Variants in TMPRSS2 observed in about 807,000 individuals in gnomAD.
TMPRSS2 encodes transmembrane serine protease 2, also known as transmembrane protease serine 2.
Under a neutral mutation model 67.4 loss-of-function variants are expected in TMPRSS2, and 59 were observed. That is an observed-to-expected ratio of 0.88 (90% CI 0.71 to 1.09). The LOEUF (loss-of-function observed/expected upper bound fraction) is 1.09, where lower values mean the gene tolerates loss of function less well. TMPRSS2 is among the 50% of genes least tolerant of loss of function. TMPRSS2 has a pLI of 0.00. For synonymous variants in TMPRSS2, 257 were observed against 257.0 expected, an observed-to-expected ratio of 1.00 and a Z score of 0.00; for missense variants, 668 against 642.7, an observed-to-expected ratio of 1.04 and a Z score of -0.43.
intron 5 of TMPRSS2, among the ~76,000 whole-genome samples, chr21:41,484,550 C>T (rs576743032): frequency 6.6e-6 from 1 of 152,300 alleles, no homozygotes; most frequent in Middle Eastern, 3.4e-3. Context: ...ATTAAAAGTG[C>T]ACCCTATGCC....
chr21:41,482,922 T>G (rs149024920), intron 5 of TMPRSS2, among the ~76,000 whole-genome samples: 259 of 152,260 alleles, frequency 1.7e-3, no homozygotes, highest in African/African-American at 6.1e-3. Flanking sequence ...TCGGAGGCAC[T>G]AAGAAGATCA....
intron 1 of TMPRSS2, chr21:41,502,528 G>A (rs2091431283): frequency 1.9e-5 from 19 of 985,140 alleles, no homozygotes; most frequent in South Asian, 1.9e-4. Flanking sequence ...CACCATCCAC[G>A]GACACATCCC....
At chr21:41,507,861 A>T in intron 1 of TMPRSS2, 1 of 1,402,410 alleles carries the variant, frequency 7.1e-7, no homozygotes, top group Non-Finnish European at 9.4e-7. Context: ...GGCCGTGCGC[A>T]AGGGGTCCCA....
chr21:41,489,394 G>C (rs536589154), intron 4 of TMPRSS2, 113 bp downstream of exon 4: 29 of 744,456 alleles, frequency 3.9e-5, no homozygotes, highest in Non-Finnish European at 5.8e-5. Flanking sequence ...TTATGTAAGA[G>C]AGGAACCTCA....
At chr21:41,491,230 C>G (rs2091333722) in intron 3 of TMPRSS2, among the ~76,000 whole-genome samples, 1 of 146,390 alleles carries the variant, frequency 6.8e-6, no homozygotes, top group Non-Finnish European at 1.5e-5. Context: ...AATCATGGCT[C>G]ACTGCAGCCT....
At chr21:41,475,783 T>G in intron 8 of TMPRSS2, among the ~76,000 whole-genome samples, 1 of 151,358 alleles carries the variant, frequency 6.6e-6, no homozygotes. Context: ...CCCTGCTTCC[T>G]GTGTGTGAGT....
In TMPRSS2 at chr21:41,478,317, G is replaced by T. The variant is rs2091231681; in HGVS notation, c.683+855C>A. 6.6e-6 allele frequency among the ~76,000 whole-genome samples: 1 copy of T among 152,172 alleles called. No homozygotes were observed. Among genetic ancestry groups the T allele is most frequent in the Non-Finnish European group, 1.5e-5 (1 of 68,044 alleles). ...ACTCAGAGGAAAGGTGGCGCGGGGTGATTAGTTCATCCTCCCCCGAAATGC... is the reference window on the plus strand; with the variant it reads ...ACTCAGAGGAAAGGTGGCGCGGGGTTATTAGTTCATCCTCCCCCGAAATGC... On this transcript the variant is annotated intron_variant, in intron 7 of 13. Transcript: ENST00000332149. This position sits in a 1 kb window ranked among gnomAD's most constrained non-coding sequence, Gnocchi z 4.0.
chr21:41,470,293 C>T (rs1423057165), intron 11 of TMPRSS2, among the ~76,000 whole-genome samples: 1 of 152,178 alleles, frequency 6.6e-6, no homozygotes, highest in Non-Finnish European at 1.5e-5. Flanking sequence ...CCTCACCAAG[C>T]CCCCTGTCAC....
At chr21:41,475,816 T>C (rs1601570604) in intron 8 of TMPRSS2, among the ~76,000 whole-genome samples, 1 of 151,396 alleles carries the variant, frequency 6.6e-6, no homozygotes, top group East Asian at 1.9e-4. Context: ...AGGAGATGAG[T>C]GCATGGGCAG....
intron 5 of TMPRSS2, among the ~76,000 whole-genome samples, chr21:41,483,338 C>A (rs1286638417): frequency 6.6e-6 from 1 of 151,696 alleles, no homozygotes; most frequent in Non-Finnish European, 1.5e-5. Flanking sequence ...GGCTGGAGTG[C>A]AATGGCATGA....
Position 41,465,987 on chromosome 21 carries a change from C to A in TMPRSS2, c.*155G>T. On this transcript the variant is annotated 3_prime_UTR_variant, in exon 14 of 14. Transcript: ENST00000332149. ...GGCAGGGGAGCCACTGCAGCCTGCA[C>A]AGAATGGCAGAGAGTGCCAAAGCCA... The A allele has an allele frequency of 1.1e-6, 1 of 907,638 alleles. No individual in the cohort carries two copies. Among genetic ancestry groups the A allele is most frequent in the South Asian group, 1.6e-5 (1 of 61,414 alleles). The allele number at this position is 907,638 out of a possible 1,614,324, so 56.2% of individuals were successfully genotyped here.
At chr21:41,488,633 GTGTTT>G (rs528452128) in intron 4 of TMPRSS2, 120 bp from the exon 5 acceptor site, 47 of 1,184,692 alleles carry the variant, frequency 4.0e-5, no homozygotes, top group Non-Finnish European at 4.8e-5. Flanking sequence ...TGGCCCCACT[GTGTTT>G]TGTTTTGTTT....
intron 8 of TMPRSS2, among the ~76,000 whole-genome samples, chr21:41,473,798 G>C (rs1003785581): frequency 1.2e-4 from 18 of 150,270 alleles, no homozygotes; most frequent in African/African-American, 4.2e-4. Flanking sequence ...GTCTTGGAGG[G>C]ACTGACACCA....
chr21:41,492,384 G>C (rs2091344921), intron 3 of TMPRSS2, among the ~76,000 whole-genome samples: 1 of 152,194 alleles, frequency 6.6e-6, no homozygotes, highest in Non-Finnish European at 1.5e-5. Context: ...TTTAAGCTGT[G>C]TGTTCGCTCC....
rs776625963 is a variant in TMPRSS2 at position 41,488,445 on chromosome 21, A to T, written c.394T>A (p.Trp132Arg). 2 of 1,613,916 alleles carry T rather than the reference A, an allele frequency of 1.2e-6. No homozygotes were observed. Among genetic ancestry groups the T allele is most frequent in the East Asian group, 2.2e-5 (1 of 44,872 alleles). ...GGGCAGTGTGACACGCCATCACACCAGTTAGAGGGGTTGATGCAGGTACCT... is the reference window on the plus strand; with the variant it reads ...GGGCAGTGTGACACGCCATCACACCTGTTAGAGGGGTTGATGCAGGTACCT... ...SSGTCINPSN[W>R]CDGVSHCPGG... The change falls in exon 5 of 14, where the codon TGG becomes AGG. Residue 132 changes from tryptophan to arginine, a missense_variant. Physicochemically the swap from Trp to Arg is moderately radical, Grantham distance 101. Transcript: ENST00000332149.
chr21:41,482,220 C>T (rs2091262480), intron 5 of TMPRSS2, among the ~76,000 whole-genome samples: 1 of 152,012 alleles, frequency 6.6e-6, no homozygotes, highest in Non-Finnish European at 1.5e-5. Context: ...TTACAAACAC[C>T]GTTGAAGTCG....
intron 5 of TMPRSS2, among the ~76,000 whole-genome samples, chr21:41,484,753 G>C: frequency 6.6e-6 from 1 of 152,106 alleles, no homozygotes; most frequent in East Asian, 1.9e-4. Flanking sequence ...CACACACTTG[G>C]AGCAGTGTGT....
At chr21:41,471,512 C>T (rs1276234202) in intron 10 of TMPRSS2, among the ~76,000 whole-genome samples, 2 of 131,442 alleles carry the variant, frequency 1.5e-5, no homozygotes, top group Non-Finnish European at 3.7e-5. Flanking sequence ...CAACAGAGAA[C>T]CACCCAGATG....
Position 41,508,140 on chromosome 21 carries a change from G to T in TMPRSS2, c.-116C>A. On this transcript the variant is annotated 5_prime_UTR_variant, in exon 1 of 14. Coordinates refer to ENST00000332149, the MANE Select transcript of TMPRSS2 (RefSeq NM_005656.4). ...CCCTCCGCCTCCGCCTCCGCCTCCT[G>T]CTTAGCTCGCGCCTACTCGGCCCGG... The T allele has an allele frequency of 1.2e-6, 1 of 839,878 alleles. No individual in the cohort carries two copies. The highest frequency in any genetic ancestry group is 1.6e-6 in the Non-Finnish European group (1 of 611,636). 52.0% of individuals were successfully genotyped at this position (839,878 alleles called of 1,614,324 possible).
Sources: gnomAD v4.1 joint callset for allele counts (sites outside exome capture counted in the v4.1 genomes callset) on GRCh38, gnomAD v4.1.1 for gene constraint, Gnocchi (gnomAD v3.1) non-coding constraint, MANE v1.5 for transcripts, NCBI Gene and HGNC (gene_info 2026-07-23, HGNC 2026-07-21) for gene names.